Variants in VLDLR observed in about 807,000 individuals in gnomAD.
VLDLR encodes the protein very low-density lipoprotein receptor.
A neutral mutation model predicts 112.7 loss-of-function variants in VLDLR; 81 were observed. The observed-to-expected ratio is 0.72, with a 90% CI of 0.60 to 0.86. The LOEUF is 0.86. Among genes scored for constraint, VLDLR ranks in the 40% least tolerant of loss-of-function variants. The pLI is 0.00. For missense variants in VLDLR, 1,237 were observed against 1,099.4 expected (o/e 1.13, Z -1.77); for synonymous variants, 436 against 384.8 (o/e 1.13, Z -1.56).
At chr9:2,648,417 A>C in intron 13 of VLDLR, 70 bp downstream of exon 13, 2 of 1,607,218 alleles carry the variant, frequency 1.2e-6, no homozygotes, top group Non-Finnish European at 1.7e-6. Flanking sequence ...AATAACAGAC[A>C]TAGCGGGAGG....
intron 3 of VLDLR, among the ~76,000 whole-genome samples, chr9:2,640,921 A>G (rs1817795189): frequency 6.6e-6 from 1 of 152,234 alleles, no homozygotes; most frequent in South Asian, 2.1e-4. Flanking sequence ...CAAGATGTCA[A>G]TCTAAAGGAC....
chr9:2,639,226 T>C (rs982924818), intron 2 of VLDLR, among the ~76,000 whole-genome samples: 3 of 152,232 alleles, frequency 2.0e-5, no homozygotes, highest in African/African-American at 7.2e-5. Flanking sequence ...GCTGTCTTTC[T>C]GGTTTGCAGA....
At chr9:2,645,780 A>G in intron 10 of VLDLR, 35 bp downstream of exon 10, 13 of 1,613,212 alleles carry the variant, frequency 8.1e-6, no homozygotes, top group Non-Finnish European at 1.1e-5. Flanking sequence ...GTCTTGACAT[A>G]AGTCATTGTC....
Position 2,648,654 on chromosome 9 carries a change from G to C in VLDLR, c.1963-15G>C, listed in dbSNP as rs1253496593. 2 of 1,614,124 alleles carry C rather than the reference G, an allele frequency of 1.2e-6. No individual in the cohort carries two copies. Among genetic ancestry groups the C allele is most frequent in the Non-Finnish European group, 1.7e-6 (2 of 1,180,022 alleles). ...AATCCTGGATGTACATGCTAATTGT[G>C]GGCTTCTGTTTTAGGATCGTGTCTA... On this transcript the variant is annotated splice_polypyrimidine_tract_variant and intron_variant, in intron 13 of 18. Coordinates refer to ENST00000382100, the MANE Select transcript of VLDLR (RefSeq NM_003383.5).
intron 3 of VLDLR, among the ~76,000 whole-genome samples, chr9:2,641,112 C>G: frequency 6.6e-6 from 1 of 152,156 alleles, no homozygotes; most frequent in African/African-American, 2.4e-5. Flanking sequence ...CCAAGTAAAA[C>G]AAAAGCCAGA....
chr9:2,646,356 G>A lies in VLDLR; in HGVS notation c.1507G>A (p.Gly503Ser), dbSNP rs750004187. Reference sequence around the variant, plus strand: ...CAGTGCCTCAATTGATGACAAGGTTGGTAGACATGTTAAAATGATCGACAA... The same window carrying A: ...CAGTGCCTCAATTGATGACAAGGTTAGTAGACATGTTAAAATGATCGACAA... ...IFSASIDDKV[G>S]RHVKMIDNVY... The change falls in exon 11 of 19, where the codon GGT becomes AGT. Residue 503 changes from glycine to serine, a missense_variant. Transcript: ENST00000382100. 6.2e-7 allele frequency: 1 copy of A among 1,614,098 alleles called. No homozygotes were observed. The highest frequency in any genetic ancestry group is 8.5e-7 in the Non-Finnish European group (1 of 1,179,996).
rs34998951 is a variant in VLDLR, at chr9:2,634,144, A to G, written c.83-1309A>G. On this transcript the variant is annotated intron_variant, in intron 1 of 18. Transcript: ENST00000382100. Reference sequence around the variant, plus strand: ...AGGAAGTAACCACACCCATATGGTCATCTTGATTTGGGCCAAATTTTAATC... The same window carrying G: ...AGGAAGTAACCACACCCATATGGTCGTCTTGATTTGGGCCAAATTTTAATC... Among the ~76,000 whole-genome samples the G allele has an allele frequency of 6.3e-3, 958 of 152,306 alleles. 6 individuals carry two copies. The highest frequency in any genetic ancestry group is 0.021 in the African/African-American group (858 of 41,562).
chr9:2,644,276 A>C (rs1013052638), intron 7 of VLDLR, among the ~76,000 whole-genome samples: 2 of 145,938 alleles, frequency 1.4e-5, no homozygotes, highest in African/African-American at 2.6e-5. Flanking sequence ...CTTCTGCCTC[A>C]GCCTCCTGAG....
Position 2,645,159 on chromosome 9 carries a change from A to T in VLDLR, c.1312+77A>T. 3 of 1,599,300 alleles carry T rather than the reference A, an allele frequency of 1.9e-6. No individual in the cohort carries two copies. In the South Asian group the frequency reaches 3.3e-5, roughly 18 times the overall value. ...CTAAAAGGTACAGCCAGTGACTACAATAGTCAAACTAAACATGAAATTGTA... is the reference window on the plus strand; with the variant it reads ...CTAAAAGGTACAGCCAGTGACTACATTAGTCAAACTAAACATGAAATTGTA... On this transcript the variant is annotated intron_variant, in intron 9 of 18. Transcript: ENST00000382100.
rs1032923240 is a variant in VLDLR, at chr9:2,621,873, C to A, written c.-317C>A. 3.4e-6 allele frequency: 2 copies of A among 593,138 alleles called. No homozygotes were observed. Among genetic ancestry groups the A allele is most frequent in the East Asian group, 3.7e-5 (1 of 27,352 alleles). 36.7% of individuals were successfully genotyped at this position (593,138 alleles called of 1,614,324 possible). A position where few individuals can be genotyped will look rare whatever the true frequency, so the allele number is the denominator to read the frequency against. On this transcript the variant is annotated 5_prime_UTR_variant, in exon 1 of 19. Transcript: ENST00000382100. The stretch of plus-strand genomic sequence containing the variant: ...CTCTCTTCTGCTCTCGGCTCCCCAC[C>A]CCCTCTCCCTTCCCTCCTCTCCCCT...
Position 2,658,087 on chromosome 9 carries a change from C to T in VLDLR, c.*4219C>T, listed in dbSNP as rs1015616052. On this transcript the variant is annotated 3_prime_UTR_variant, in exon 19 of 19. Coordinates refer to ENST00000382100, the MANE Select transcript of VLDLR (RefSeq NM_003383.5). ...AATGGCGTTTTTCGAACTTATTTCT[C>T]TCTAATCCAGCCTGGAGGATTTTTA... 6.6e-6 allele frequency: 1 copy of T among 152,178 alleles called. No homozygotes were observed. The highest frequency in any genetic ancestry group is 1.9e-4 in the East Asian group (1 of 5,194). The allele number at this position is 152,178 out of a possible 1,614,324, so 9.4% of individuals were successfully genotyped here. A position where few individuals can be genotyped will look rare whatever the true frequency, so the allele number is the denominator to read the frequency against.
At chr9:2,644,037 C>A in intron 7 of VLDLR, 78 bp downstream of exon 7, 1 of 1,603,272 alleles carries the variant, frequency 6.2e-7, no homozygotes, top group Non-Finnish European at 8.5e-7. Context: ...GTGGACCCCC[C>A]GTGATGGCTA....
chr9:2,643,672 A>G lies in VLDLR; in HGVS notation c.865A>G (p.Ser289Gly). 6.2e-7 allele frequency: 1 copy of G among 1,614,210 alleles called. No individual in the cohort carries two copies. Among genetic ancestry groups the G allele is most frequent in the Middle Eastern group, 1.6e-4 (1 of 6,062 alleles). Residue 289 changes from serine to glycine, a missense_variant, in exon 6 of 19, where the codon AGC becomes GGC. By Grantham distance (56) the Ser-to-Gly change is moderately conservative (BLOSUM62 0). Coordinates refer to ENST00000382100, the MANE Select transcript of VLDLR (RefSeq NM_003383.5). ...RPDQFECEDG[S>G]CIHGSRQCNG... ...TGACCAATTTGAATGTGAGGATGGC[A>G]GCTGCATCCATGGCAGCAGGCAGTG... is the stretch of plus-strand genomic sequence containing the variant.
chr9:2,643,210 A>G lies in VLDLR; in HGVS notation c.499A>G (p.Ile167Val), dbSNP rs1355461424. Residue 167 changes from isoleucine to valine, a missense_variant, in exon 5 of 19, where the codon ATC (isoleucine) becomes GTC (valine). Coordinates refer to ENST00000382100, the MANE Select transcript of VLDLR (RefSeq NM_003383.5). ...GTTCACCTGCTCCAGTGGCCGCTGC[A>G]TCTCCAGGAACTTTGTATGCAATGG... ...DEFTCSSGRC[I>V]SRNFVCNGQD... The G allele has an allele frequency of 1.2e-6, 2 of 1,614,064 alleles. No homozygotes were observed. The highest frequency in any genetic ancestry group is 2.2e-5 in the South Asian group (2 of 91,088).
rs903449508 is a variant in VLDLR, at chr9:2,622,064, C to A, written c.-126C>A. 2.6e-5 allele frequency: 23 copies of A among 875,700 alleles called. No homozygotes were observed. The highest frequency in any genetic ancestry group is 3.5e-5 in the African/African-American group (2 of 56,418). 54.2% of individuals were successfully genotyped at this position (875,700 alleles called of 1,614,324 possible). ...CGCTCCCTTCCCCCGCCAACTCCTT[C>A]CCCTCCTTCTCCCCCTTTCCCCTCC... On this transcript the variant is annotated 5_prime_UTR_variant, in exon 1 of 19. Coordinates refer to ENST00000382100, the MANE Select transcript of VLDLR (RefSeq NM_003383.5).
At chr9:2,645,819 G>A in intron 10 of VLDLR, 74 bp downstream of exon 10, 3 of 1,586,830 alleles carry the variant, frequency 1.9e-6, no homozygotes, top group Non-Finnish European at 8.6e-7. Context: ...GGGATAGTTT[G>A]GAGGAGTTTC....
At chr9:2,634,203 C>G (rs932910392) in intron 1 of VLDLR, among the ~76,000 whole-genome samples, 1 of 152,128 alleles carries the variant, frequency 6.6e-6, no homozygotes, top group Non-Finnish European at 1.5e-5. Context: ...CGAAATGCTC[C>G]CAGACAGCAG....
chr9:2,627,864 CAA>C lies in VLDLR; in HGVS notation c.82+5610_82+5611del, dbSNP rs544070052. On this transcript the variant is annotated intron_variant, in intron 1 of 18. Transcript: ENST00000382100. ...TGGGCTACAGTGCGAGAATCCATCT[CAA>C]AAAAAAAAAAAAAAAATTGCTACAA... 3.0e-3 allele frequency among the ~76,000 whole-genome samples: 309 copies of C among 104,334 alleles called. 1 individual carries two copies. The highest frequency in any genetic ancestry group is 7.2e-3 in the African/African-American group (213 of 29,746). 68.4% of individuals were successfully genotyped at this position (104,334 alleles called of 152,430 possible).
intron 1 of VLDLR, among the ~76,000 whole-genome samples, chr9:2,627,192 A>C (rs1817134496): frequency 6.6e-6 from 1 of 152,232 alleles, no homozygotes; most frequent in Non-Finnish European, 1.5e-5. Context: ...ATCATAAAAG[A>C]GGCAGATAGC....
Sources: allele counts gnomAD v4.1 joint callset (sites outside exome capture counted in the v4.1 genomes callset), GRCh38; gene constraint gnomAD v4.1.1; transcripts MANE v1.5; gene names NCBI Gene and HGNC (gene_info 2026-07-23, HGNC 2026-07-21).